CACHD1: variants seen among roughly 807,000 people sequenced by gnomAD.
The protein encoded by CACHD1 is VWFA and cache domain-containing protein 1.
CACHD1 carries 71 observed loss-of-function variants against 138.7 expected under a neutral mutation model. The observed-to-expected ratio is 0.51, with a 90% confidence interval of 0.42 to 0.62. The LOEUF is 0.62. Ranked by LOEUF, CACHD1 falls within the 20% of genes least tolerant of loss-of-function variation. The pLI, the probability that CACHD1 is intolerant of heterozygous loss-of-function variation, is 0.00. For missense variants in CACHD1, 1,389 were observed against 1,625.3 expected, an observed-to-expected ratio of 0.85 and a Z score of 2.50; for synonymous variants, 578 against 591.5, an observed-to-expected ratio of 0.98 and a Z score of 0.33.
chr1:64,521,696 T>A (rs1239847401), intron 1 of CACHD1, among the ~76,000 whole-genome samples: 1 of 152,220 alleles, frequency 6.6e-6, no homozygotes, highest in Admixed American at 6.5e-5. Context: ...GATATAGATA[T>A]ACATTTTCAT....
At chr1:64,568,057 CT>C (rs1260066410) in intron 2 of CACHD1, among the ~76,000 whole-genome samples, 1 of 152,142 alleles carries the variant, frequency 6.6e-6, no homozygotes. Flanking sequence ...CTTGATGACT[CT>C]TTTGTCTTTC....
At chr1:64,581,687 A>T (rs987666455) in intron 2 of CACHD1, among the ~76,000 whole-genome samples, 9 of 152,226 alleles carry the variant, frequency 5.9e-5, no homozygotes, top group African/African-American at 2.2e-4. Flanking sequence ...ACTGTGTAGC[A>T]GGAGACACTG....
chr1:64,640,676 A>AAT (rs1452765899), intron 7 of CACHD1, among the ~76,000 whole-genome samples: 19 of 128,510 alleles, frequency 1.5e-4, no homozygotes, highest in Admixed American at 1.8e-4. Context: ...TCAGTCTTAA[A>AAT]ATATATATAT....
intron 1 of CACHD1, among the ~76,000 whole-genome samples, chr1:64,537,365 G>A (rs142403895): frequency 3.6e-4 from 55 of 152,260 alleles, no homozygotes; most frequent in Middle Eastern, 3.4e-3. Context: ...CCTCCTTGGC[G>A]TGTGCGTCCA....
chr1:64,594,253 TA>T (rs5774710), intron 3 of CACHD1, among the ~76,000 whole-genome samples: 198 of 137,952 alleles, frequency 1.4e-3, no homozygotes, highest in African/African-American at 2.1e-3. Context: ...AAACTTTGTC[TA>T]AAAAAAAAAA....
At chr1:64,606,267 C>T (rs1647336427) in intron 4 of CACHD1, among the ~76,000 whole-genome samples, 1 of 152,054 alleles carries the variant, frequency 6.6e-6, no homozygotes, top group East Asian at 1.9e-4. Flanking sequence ...GGTTGGCTGT[C>T]GGGGGGAGGA....
At chr1:64,571,612 C>A (rs1646927526) in intron 2 of CACHD1, among the ~76,000 whole-genome samples, 1 of 152,122 alleles carries the variant, frequency 6.6e-6, no homozygotes, top group Non-Finnish European at 1.5e-5. Context: ...TGTTTCCTTG[C>A]CAGTGTCATC....
At chr1:64,506,154 C>T (rs891396683) in intron 1 of CACHD1, 6 of 152,234 alleles carry the variant, frequency 3.9e-5, no homozygotes, top group African/African-American at 1.2e-4. Context: ...CAAGGCCGAC[C>T]AGGAACTGCC....
intron 1 of CACHD1, among the ~76,000 whole-genome samples, chr1:64,486,029 A>G (rs1437519745): frequency 6.6e-6 from 1 of 152,204 alleles, no homozygotes; most frequent in Non-Finnish European, 1.5e-5. Flanking sequence ...ACAACTTGGT[A>G]GAATCTGTCA....
chr1:64,634,528 C>G (rs1019309756), intron 7 of CACHD1, among the ~76,000 whole-genome samples: 1 of 151,956 alleles, frequency 6.6e-6, no homozygotes, highest in Non-Finnish European at 1.5e-5. Context: ...GGACCACAGG[C>G]TTATGCCACC....
chr1:64,478,091 A>G (rs906514041), intron 1 of CACHD1, among the ~76,000 whole-genome samples: 2 of 152,236 alleles, frequency 1.3e-5, no homozygotes, highest in Non-Finnish European at 2.9e-5. Context: ...AAATAAATAT[A>G]AATATTTTGG....
chr1:64,538,521 A>G (rs777200352), intron 1 of CACHD1, among the ~76,000 whole-genome samples: 3 of 152,214 alleles, frequency 2.0e-5, no homozygotes, highest in Non-Finnish European at 4.4e-5. Flanking sequence ...GGTTCACAGT[A>G]TTTTATAGAA....
At chr1:64,588,170 A>G (rs1398948808) in intron 3 of CACHD1, among the ~76,000 whole-genome samples, 2 of 152,204 alleles carry the variant, frequency 1.3e-5, no homozygotes, top group African/African-American at 4.8e-5. Flanking sequence ...TTAAAAGACC[A>G]TACGATATTA....
At chr1:64,579,207 A>T (rs57534367) in intron 2 of CACHD1, among the ~76,000 whole-genome samples, 1 of 152,248 alleles carries the variant, frequency 6.6e-6, no homozygotes. Flanking sequence ...ACTAAATATT[A>T]AAAATATTCT....
At chr1:64,521,893 A>G (rs1311781413) in intron 1 of CACHD1, among the ~76,000 whole-genome samples, 2 of 152,208 alleles carry the variant, frequency 1.3e-5, no homozygotes, top group African/African-American at 4.8e-5. Context: ...TGATTTGCAA[A>G]TATTTTCTCC....
intron 2 of CACHD1, among the ~76,000 whole-genome samples, chr1:64,552,259 C>T (rs1646764748): frequency 1.3e-5 from 2 of 151,936 alleles, no homozygotes; most frequent in African/African-American, 4.8e-5. Flanking sequence ...TGACTGAGCA[C>T]TTATGGAACA....
intron 4 of CACHD1, among the ~76,000 whole-genome samples, chr1:64,624,987 T>G (rs758288217): frequency 4.3e-4 from 65 of 152,352 alleles, no homozygotes; most frequent in Non-Finnish European, 1.3e-4. Flanking sequence ...TTCATTCATT[T>G]ACAAATGTCT....
At chr1:64,565,107 T>C (rs553709534) in intron 2 of CACHD1, among the ~76,000 whole-genome samples, 2 of 150,822 alleles carry the variant, frequency 1.3e-5, no homozygotes, top group African/African-American at 4.9e-5. Context: ...TCATTTTGTT[T>C]ACAATTTACC....
At chr1:64,586,201 C>G (rs1213354945) in intron 3 of CACHD1, among the ~76,000 whole-genome samples, 2 of 152,152 alleles carry the variant, frequency 1.3e-5, no homozygotes, top group African/African-American at 4.8e-5. Flanking sequence ...GAAGCTGGGA[C>G]TACAGGGGCG....
Sources: gnomAD v4.1 joint callset for allele counts (sites outside exome capture counted in the v4.1 genomes callset) on GRCh38, gnomAD v4.1.1 for gene constraint, MANE v1.5 for transcripts, NCBI Gene and HGNC (gene_info 2026-07-23, HGNC 2026-07-21) for gene names.